C8orf76: variants seen among roughly 807,000 people sequenced by gnomAD.
The protein encoded by C8orf76 is chromosome 8 open reading frame 76, also known as uncharacterized protein C8orf76.
Under a neutral mutation model 38.1 loss-of-function variants are expected in C8orf76, and 46 were observed. That is an observed-to-expected ratio of 1.21 (90% CI 0.95 to 1.54). The LOEUF (loss-of-function observed/expected upper bound fraction) is 1.54, where lower values mean the gene tolerates loss of function less well. Among genes scored for constraint, C8orf76 ranks in the 40% most tolerant of loss-of-function variants. C8orf76 has a pLI of 0.00. For synonymous variants in C8orf76, 166 were observed against 167.5 expected (o/e 0.99, Z 0.07); for missense variants, 461 against 441.6 (o/e 1.04, Z -0.39).
intron 5 of C8orf76, chr8:123,226,243 T>C (rs979184812): frequency 3.0e-6 from 4 of 1,333,750 alleles, no homozygotes; most frequent in Admixed American, 4.0e-5. Context: ...TTATTGGGCA[T>C]TGATGATGTT....
intron 5 of C8orf76, among the ~76,000 whole-genome samples, chr8:123,221,587 C>T (rs545394227): frequency 1.3e-5 from 2 of 152,160 alleles, no homozygotes; most frequent in Admixed American, 6.5e-5. Flanking sequence ...AGGCAAGTGC[C>T]ACCATGCCCA....
At chr8:123,221,650 G>A (rs1824897382) in intron 5 of C8orf76, among the ~76,000 whole-genome samples, 2 of 152,162 alleles carry the variant, frequency 1.3e-5, no homozygotes, top group Admixed American at 6.5e-5. Flanking sequence ...TGGCCAGGCT[G>A]GTCTTGAGTT....
At chr8:123,220,830 T>C (rs933122530) in intron 5 of C8orf76, among the ~76,000 whole-genome samples, 1 of 152,050 alleles carries the variant, frequency 6.6e-6, no homozygotes, top group Non-Finnish European at 1.5e-5. Context: ...CACAGGGTCA[T>C]GTCCCAAGAT....
intron 1 of C8orf76, 156 bp from the exon 2 acceptor site, chr8:123,239,300 C>CT: frequency 1.4e-6 from 1 of 697,636 alleles, no homozygotes; most frequent in African/African-American, 1.8e-5. Flanking sequence ...ACAAGTGATC[C>CT]TGCCTCTGCC....
intron 4 of C8orf76, among the ~76,000 whole-genome samples, chr8:123,227,246 C>T (rs1825079390): frequency 6.6e-6 from 1 of 150,638 alleles, no homozygotes; most frequent in East Asian, 1.9e-4. Flanking sequence ...CTGTCTTCCT[C>T]ATTTGGCTCC....
At chr8:123,230,229 G>T (rs1825202201) in intron 4 of C8orf76, among the ~76,000 whole-genome samples, 1 of 151,972 alleles carries the variant, frequency 6.6e-6, no homozygotes, top group African/African-American at 2.4e-5. Context: ...ATACTTTAAA[G>T]ATAAAAAGTA....
At chr8:123,232,286 TA>T (rs1825299641) in intron 3 of C8orf76, among the ~76,000 whole-genome samples, 1 of 152,370 alleles carries the variant, frequency 6.6e-6, no homozygotes, top group East Asian at 1.9e-4. Context: ...TGACGCATTC[TA>T]ATTGAATCCA....
Position 123,226,509 on chromosome 8 carries a change from C to G in C8orf76, c.939G>C (p.Leu313Phe), listed in dbSNP as rs748698455. The change falls in exon 5 of 6, where the codon TTG becomes TTC. Residue 313 changes from leucine to phenylalanine, a missense_variant. Physicochemically the swap from Leu to Phe is conservative, Grantham distance 22. Transcript: ENST00000276704. ...GFSFKEDTLL[L>F]IAEVMGEDIP... ...CGAGGGATACACTCACCTCAGCTAT[C>G]AACAGCAAAGTGTCTTCTTTGAAGC... 3 of 1,612,722 alleles carry G rather than the reference C, an allele frequency of 1.9e-6. No individual in the cohort carries two copies. The African/African-American group carries it at 4.0e-5, about 22-fold the overall frequency.
At chr8:123,233,800 G>A (rs146597115) in intron 3 of C8orf76, among the ~76,000 whole-genome samples, 5,583 of 151,968 alleles carry the variant, frequency 0.037, 320 homozygotes, top group African/African-American at 0.12. Context: ...AGGCCAAGGC[G>A]GGCGGATCAT....
At chr8:123,237,033 T>C in intron 3 of C8orf76, 7 of 1,408,988 alleles carry the variant, frequency 5.0e-6, no homozygotes, top group Non-Finnish European at 7.0e-6. Context: ...GAGTCCACCC[T>C]GCACCTGGTG....
intron 3 of C8orf76, chr8:123,236,926 G>A (rs879220723): frequency 7.1e-7 from 1 of 1,400,534 alleles, no homozygotes; most frequent in South Asian, 1.2e-5. Context: ...CCAAAATTCA[G>A]GACAAGGAGG....
In C8orf76 at chr8:123,236,554, C is replaced by T. The variant is rs1368268990; in HGVS notation, c.357+1244G>A. Among the ~76,000 whole-genome samples the T allele has an allele frequency of 2.6e-5, 4 of 152,076 alleles. No individual in the cohort carries two copies. In the South Asian group the frequency reaches 8.3e-4, roughly 32 times the overall value. On this transcript the variant is annotated intron_variant, in intron 3 of 5. Transcript: ENST00000276704. The stretch of plus-strand genomic sequence containing the variant: ...CTATAATCCCAGCACTTTGGGAGGC[C>T]GAGGCGGGCGGATCACAAGGTCAGT...
Position 123,231,409 on chromosome 8 carries a change from G to A in C8orf76, c.706C>T (p.Gln236Ter). 6.2e-7 allele frequency: 1 copy of A among 1,614,112 alleles called. No homozygotes were observed. The highest frequency in any genetic ancestry group is 8.5e-7 in the Non-Finnish European group (1 of 1,180,030). Residue 236 changes from glutamine (Q) to a stop codon, truncating the protein, a stop_gained, in exon 4 of 6, where the codon CAG becomes TAG. Coordinates refer to ENST00000276704, the MANE Select transcript of C8orf76 (RefSeq NM_032847.3). LOFTEE classifies it high-confidence loss of function. ...FSVEANSSNS[Q>*]KNEKALTNIQ... Reference sequence around the variant, plus strand: ...TTTGTCAGAGCTTTCTCATTTTTCTGGCTATTACTGCTATTCGCTTCCACA... The same window carrying A: ...TTTGTCAGAGCTTTCTCATTTTTCTAGCTATTACTGCTATTCGCTTCCACA...
At chr8:123,224,706 T>A (rs1563796810) in intron 5 of C8orf76, among the ~76,000 whole-genome samples, 1 of 152,228 alleles carries the variant, frequency 6.6e-6, no homozygotes, top group African/African-American at 2.4e-5. Context: ...AAAGCTCCAC[T>A]GGTATATCAC....
At chr8:123,238,870 A>T (rs1825587605) in intron 2 of C8orf76, 179 bp downstream of exon 2, 5 of 577,576 alleles carry the variant, frequency 8.7e-6, no homozygotes, top group Non-Finnish European at 9.0e-6. Context: ...GAAAACAAAC[A>T]AATCATACAG....
At chr8:123,220,814 G>C (rs923004802) in intron 5 of C8orf76, among the ~76,000 whole-genome samples, 1 of 152,170 alleles carries the variant, frequency 6.6e-6, no homozygotes, top group Non-Finnish European at 1.5e-5. Context: ...ATCAGGCCCA[G>C]ATGAACACAG....
At position 123,220,270 on chromosome 8, in the gene C8orf76, T is replaced by C; in HGVS notation, c.976A>G (p.Ile326Val). 1 of 1,604,140 alleles carries C rather than the reference T, an allele frequency of 6.2e-7. No individual in the cohort carries two copies. The highest frequency in any genetic ancestry group is 8.5e-7 in the Non-Finnish European group (1 of 1,176,824). Residue 326 changes from isoleucine (I) to valine (V), a missense_variant, in exon 6 of 6, where the codon ATA (isoleucine) becomes GTA (valine). Physicochemically the swap from Ile to Val is conservative, Grantham distance 29. Coordinates refer to ENST00000276704, the MANE Select transcript of C8orf76 (RefSeq NM_032847.3). ...EVMGEDIPEKIKDEVHPEVKC... is the reference protein window; with the variant it reads ...EVMGEDIPEKVKDEVHPEVKC... ...ACCTCTGGGTGAACTTCATCTTTTA[T>C]TTTTTCTGGGATATCTTCTCCCATA...
chr8:123,241,360 C>G lies in C8orf76; in HGVS notation c.-14G>C, dbSNP rs764537892. 6.5e-7 allele frequency: 1 copy of G among 1,544,734 alleles called. No homozygotes were observed. Among genetic ancestry groups the G allele is most frequent in the Non-Finnish European group, 8.7e-7 (1 of 1,154,980 alleles). On this transcript the variant is annotated 5_prime_UTR_variant, in exon 1 of 6. Coordinates refer to ENST00000276704, the MANE Select transcript of C8orf76 (RefSeq NM_032847.3). ...CCCGGAATCCATCTCGCGCCCGCGGCGGGGGCAACGAGGAAGCGGGGCCCG... is the reference window on the plus strand; with the variant it reads ...CCCGGAATCCATCTCGCGCCCGCGGGGGGGGCAACGAGGAAGCGGGGCCCG...
At chr8:123,232,263 T>G (rs913705456) in intron 3 of C8orf76, among the ~76,000 whole-genome samples, 2 of 152,226 alleles carry the variant, frequency 1.3e-5, no homozygotes, top group Non-Finnish European at 2.9e-5. Context: ...GCCCTGAAGC[T>G]CTCCATGCTT....
Sources: gnomAD v4.1 joint callset for allele counts (sites outside exome capture counted in the v4.1 genomes callset) on GRCh38, gnomAD v4.1.1 for gene constraint, MANE v1.5 for transcripts, NCBI Gene and HGNC (gene_info 2026-07-23, HGNC 2026-07-21) for gene names.